Variants in COL6A3 observed in about 807,000 individuals in gnomAD.
COL6A3 encodes the protein collagen type VI alpha 3 chain.
In COL6A3, 137 loss-of-function variants were observed where a neutral mutation model predicts 274.1. That is an observed-to-expected ratio of 0.50 (90% CI 0.44 to 0.58). The LOEUF is 0.58. COL6A3 is among the 20% of genes least tolerant of loss of function. The pLI, the probability that COL6A3 is intolerant of heterozygous loss-of-function variation, is 0.00. For missense variants in COL6A3, 3,950 were observed against 4,124.9 expected, an observed-to-expected ratio of 0.96 and a Z score of 1.16; for synonymous variants, 1,650 against 1,650.6, an observed-to-expected ratio of 1.00 and a Z score of 0.01.
chr2:237,371,887 T>A lies in COL6A3; in HGVS notation c.4130A>T (p.Glu1377Val), dbSNP rs1251423704. Residue 1377 changes from glutamate (E) to valine (V), a missense_variant, in exon 9 of 44, where the codon GAG becomes GTG. By Grantham distance (121) the Glu-to-Val change is moderately radical (BLOSUM62 -2). Transcript: ENST00000295550. The surrounding 1 kb of genome is among the most constrained non-coding windows in gnomAD (Gnocchi z 4.3). ...FTIARNADQE[E>V]LVKISLSPEY... The stretch of plus-strand genomic sequence containing the variant: ...GGGGCTCAGCGAGATCTTCACCAGC[T>A]CCTCCTGGTCTGCGTTCCTGGCGAT... 5 of 1,613,100 alleles carry A rather than the reference T, an allele frequency of 3.1e-6. No individual in the cohort carries two copies. The highest frequency in any genetic ancestry group is 4.2e-6 in the Non-Finnish European group (5 of 1,179,908).
chr2:237,364,349 C>T lies in COL6A3; in HGVS notation c.5917+1G>A, dbSNP rs2077502156. ...CATATTTAGAAAGCCTTGGCACCTA[C>T]CTTCTTGGCGGAGGTTCTCAGATGC... On this transcript the variant is annotated splice_donor_variant, in intron 13 of 43. Coordinates refer to ENST00000295550, the MANE Select transcript of COL6A3 (RefSeq NM_004369.4). LOFTEE classifies it high-confidence loss of function. The surrounding 1 kb of genome is among the most constrained non-coding windows in gnomAD (Gnocchi z 4.6). The T allele has an allele frequency of 6.2e-7, 1 of 1,613,218 alleles. No homozygotes were observed. Among genetic ancestry groups the T allele is most frequent in the Non-Finnish European group, 8.5e-7 (1 of 1,179,420 alleles).
rs941744652 is a variant in COL6A3 at position 237,357,074 on chromosome 2, G to A, written c.6591+264C>T. 63 of 567,270 alleles carry A rather than the reference G, an allele frequency of 1.1e-4. No homozygotes were observed. In the Admixed American group the frequency reaches 1.5e-3, roughly 13 times the overall value. The allele number at this position is 567,270 out of a possible 1,614,324, so 35.1% of individuals were successfully genotyped here. Reference sequence around the variant, plus strand: ...TATTTAGTTGGATCAAACCTGGCCCGATATTTGAAAGTAGCAAAGATATTA... The same window carrying A: ...TATTTAGTTGGATCAAACCTGGCCCAATATTTGAAAGTAGCAAAGATATTA... On this transcript the variant is annotated intron_variant, in intron 23 of 43. Coordinates refer to ENST00000295550, the MANE Select transcript of COL6A3 (RefSeq NM_004369.4).
intron 22 of COL6A3, 57 bp from the exon 23 acceptor site, chr2:237,357,448 T>G: frequency 6.8e-7 from 1 of 1,461,206 alleles, no homozygotes; most frequent in Admixed American, 1.7e-5. Context: ...TGTCTAGCTC[T>G]GAAATGCTGC....
chr2:237,345,154 G>A (rs764179380), intron 33 of COL6A3, 27 bp downstream of exon 33: 6 of 1,614,186 alleles, frequency 3.7e-6, no homozygotes, highest in Admixed American at 1.7e-5. Context: ...TGAGGTTAAT[G>A]AGTCATTCTG....
rs766894733 is a variant in COL6A3 at position 237,339,056 on chromosome 2, G to A, written c.8526C>T (p.Asp2842=). The A allele has an allele frequency of 1.2e-6, 2 of 1,614,000 alleles. No homozygotes were observed. The highest frequency in any genetic ancestry group is 2.2e-5 in the South Asian group (2 of 91,072). The change falls in exon 39 of 44, where the codon GAC becomes GAT. Residue 2842 remains aspartate, a synonymous_variant. Coordinates refer to ENST00000295550, the MANE Select transcript of COL6A3 (RefSeq NM_004369.4). ...IRKQCDWFQG[D]QPTKNLVKFG... ...ACTTCACAAGGTTCTTTGTGGGTTG[G>A]TCCCCTTGGAACCAATCACACTGTT...
chr2:237,349,068 A>G (rs1355284685), intron 28 of COL6A3, among the ~76,000 whole-genome samples: 1 of 151,942 alleles, frequency 6.6e-6, no homozygotes. Flanking sequence ...ACTGAACTCC[A>G]TCTCTCAGGC....
Position 237,396,735 on chromosome 2 carries a change from T to C in COL6A3, c.83A>G (p.Gln28Arg). Residue 28 changes from glutamine (Q) to arginine (R), a missense_variant, in exon 2 of 44, where the codon CAG (glutamine) becomes CGG (arginine). Around this residue, in one of 5 missense-constraint regions of COL6A3, gnomAD observed 1,934 missense variants for 1,984.3 expected, o/e 0.97. Coordinates refer to ENST00000295550, the MANE Select transcript of COL6A3 (RefSeq NM_004369.4). ...SGFPTTHAQQ[Q>R]QADVKNGAAA... ...ACGTTTCTGGCTCTTACCTGCTTGC[T>C]GCTGCTGGGCATGAGTTGTAGGAAA... is the stretch of plus-strand genomic sequence containing the variant. The C allele has an allele frequency of 1.9e-6, 3 of 1,614,152 alleles. No individual in the cohort carries two copies. The highest frequency in any genetic ancestry group is 2.5e-6 in the Non-Finnish European group (3 of 1,180,008).
chr2:237,376,904 G>A lies in COL6A3; in HGVS notation c.2938C>T (p.Pro980Ser). 1.2e-6 allele frequency: 2 copies of A among 1,614,166 alleles called. No homozygotes were observed. The highest frequency in any genetic ancestry group is 1.1e-5 in the South Asian group (1 of 91,084). ...AGCACGATCTGCTCTAACTCAGCAG[G>A]GTCTGCGTTCTTGGCTTGGAAGATG... The part of the protein sequence containing the change: ...PFIFQAKNAD[P>S]AELEQIVLSP... Residue 980 changes from proline to serine, a missense_variant, in exon 7 of 44, where the codon CCT (proline) becomes TCT (serine). Around this residue, in one of 5 missense-constraint regions of COL6A3, gnomAD observed 1,934 missense variants for 1,984.3 expected, o/e 0.97. Coordinates refer to ENST00000295550, the MANE Select transcript of COL6A3 (RefSeq NM_004369.4).
At chr2:237,398,277 CAG>C (rs144053579) in intron 1 of COL6A3, among the ~76,000 whole-genome samples, 3,430 of 152,350 alleles carry the variant, frequency 0.023, 44 homozygotes, top group Non-Finnish European at 0.033. Flanking sequence ...TGCCCTGATG[CAG>C]AGTCTCCCAT....
In COL6A3 at chr2:237,373,161, G is replaced by C. The variant is rs565382324; in HGVS notation, c.3680-824C>G. On this transcript the variant is annotated intron_variant, in intron 8 of 43. Transcript: ENST00000295550. ...AGGGAGGCTGTTCTGGAGCGCAGGA[G>C]AGTGAGTGGGCAAAGAGCCACAGCG... Among the ~76,000 whole-genome samples the C allele has an allele frequency of 6.2e-4, 94 of 152,266 alleles. 2 individuals carry two copies. In the South Asian group the frequency reaches 7.1e-3, roughly 11 times the overall value.
chr2:237,381,035 C>G lies in COL6A3; in HGVS notation c.1777G>C (p.Glu593Gln). 6.2e-7 allele frequency: 1 copy of G among 1,614,238 alleles called. No individual in the cohort carries two copies. Among genetic ancestry groups the G allele is most frequent in the Non-Finnish European group, 8.5e-7 (1 of 1,180,044 alleles). ...AGGGAGGAGTCGAAAGCGATCTCTT[C>G]CAGCTCAGCCTGATCGGCACCCTTG... is the stretch of plus-strand genomic sequence containing the variant. ...GNKGADQAEL[E>Q]EIAFDSSLVF... The change falls in exon 5 of 44, where the codon GAA becomes CAA. Residue 593 changes from glutamate (E) to glutamine (Q), a missense_variant. Glu to Gln is a conservative substitution (Grantham distance 29, BLOSUM62 2). This residue lies in a region of COL6A3 where 1,934 missense variants were observed against 1,984.3 expected (regional missense o/e 0.97). Transcript: ENST00000295550.
chr2:237,398,821 A>G (rs943588704), intron 1 of COL6A3, among the ~76,000 whole-genome samples: 1 of 152,114 alleles, frequency 6.6e-6, no homozygotes, highest in Admixed American at 6.5e-5. Context: ...GGTTTGGGTA[A>G]CAGTACTGGG....
chr2:237,379,040 G>A lies in COL6A3; in HGVS notation c.2093C>T (p.Thr698Ile). The A allele has an allele frequency of 6.2e-7, 1 of 1,614,188 alleles. No homozygotes were observed. The highest frequency in any genetic ancestry group is 1.3e-5 in the African/African-American group (1 of 75,064). Reference protein sequence around the residue: ...VTEFSLNTYQTKSDILGHLRQ... With the variant: ...VTEFSLNTYQIKSDILGHLRQ... ...CAGATGACCAAGGATATCTGACTTG[G>A]TCTGGTATGTGTTTAAAGAGAACTC... Residue 698 changes from threonine to isoleucine, a missense_variant, in exon 6 of 44, where the codon ACC becomes ATC. By Grantham distance (89) the Thr-to-Ile change is moderately conservative. Around this residue, in one of 5 missense-constraint regions of COL6A3, gnomAD observed 1,934 missense variants for 1,984.3 expected, o/e 0.97. Coordinates refer to ENST00000295550, the MANE Select transcript of COL6A3 (RefSeq NM_004369.4).
chr2:237,340,652 G>A lies in COL6A3; in HGVS notation c.8264C>T (p.Ala2755Val), dbSNP rs770586429. 1.9e-6 allele frequency: 3 copies of A among 1,614,200 alleles called. No individual in the cohort carries two copies. The highest frequency in any genetic ancestry group is 2.5e-6 in the Non-Finnish European group (3 of 1,180,034). Residue 2755 changes from alanine to valine, a missense_variant, in exon 38 of 44, where the codon GCC (alanine) becomes GTC (valine). This residue lies in a region of COL6A3 where 1,284 missense variants were observed against 1,349.7 expected (regional missense o/e 0.95). Transcript: ENST00000295550. ...GEVPEQQLEE[A>V]QRVILQAKCK... ...TTTGGCCTGCAGGATGACTCTCTGG[G>A]CCTCCTCCAGCTGCTGCTCCGGCAC...
intron 1 of COL6A3, among the ~76,000 whole-genome samples, chr2:237,399,361 G>A (rs963845563): frequency 1.6e-4 from 24 of 152,304 alleles, no homozygotes; most frequent in Middle Eastern, 3.4e-3. Context: ...AACAATGATA[G>A]CCATGCCTCT....
chr2:237,371,110 C>A lies in COL6A3; in HGVS notation c.4285+622G>T, dbSNP rs1211398627. Among the ~76,000 whole-genome samples, 1 of 152,202 alleles carries A rather than the reference C, an allele frequency of 6.6e-6. No individual in the cohort carries two copies. Among genetic ancestry groups the A allele is most frequent in the Non-Finnish European group, 1.5e-5 (1 of 68,036 alleles). On this transcript the variant is annotated intron_variant, in intron 9 of 43. Transcript: ENST00000295550. The surrounding 1 kb of genome is among the most constrained non-coding windows in gnomAD (Gnocchi z 4.3). ...TCTTGACAACATCCAATCCAGGCCA[C>A]AGTTCCATTTCTTTAAGCCTTCCAC... is the stretch of plus-strand genomic sequence containing the variant.
chr2:237,380,937 C>T lies in COL6A3; in HGVS notation c.1875G>A (p.Arg625=), dbSNP rs2077986152. Residue 625 remains arginine, a synonymous_variant, in exon 5 of 44, where the codon AGG becomes AGA. Coordinates refer to ENST00000295550, the MANE Select transcript of COL6A3 (RefSeq NM_004369.4). ...TACCTTCAGGGGTTCCAGAGAGGGTCCTGAGAGGTGCCAGCAAGCCAGGCA... is the reference window on the plus strand; with the variant it reads ...TACCTTCAGGGGTTCCAGAGAGGGTTCTGAGAGGTGCCAGCAAGCCAGGCA... The part of the protein sequence containing the change: ...GMLPGLLAPL[R]TLSGTPEVHS... 2.5e-6 allele frequency: 4 copies of T among 1,614,080 alleles called. No homozygotes were observed. The East Asian group carries it at 8.9e-5, about 36-fold the overall frequency.
intron 2 of COL6A3, among the ~76,000 whole-genome samples, chr2:237,395,927 G>C (rs2078428743): frequency 6.6e-6 from 1 of 152,146 alleles, no homozygotes; most frequent in African/African-American, 2.4e-5. Flanking sequence ...AGGGTATCAG[G>C]CTGTCAGTGG....
At chr2:237,394,564 T>G in intron 3 of COL6A3, 23 bp downstream of exon 3, 1 of 1,613,478 alleles carries the variant, frequency 6.2e-7, no homozygotes, top group Non-Finnish European at 8.5e-7. Context: ...GGGCAGGGCG[T>G]AGCTTGGTGG....
Sources: allele counts gnomAD v4.1 joint callset (sites outside exome capture counted in the v4.1 genomes callset), GRCh38; gene constraint gnomAD v4.1.1; regional missense constraint gnomAD v4.1.1; non-coding constraint Gnocchi (gnomAD v3.1); transcripts MANE v1.5; gene names NCBI Gene and HGNC (gene_info 2026-07-23, HGNC 2026-07-21).